The following ROBO2 variants were observed in gnomAD, a reference collection of about 807,000 sequenced individuals.
The protein encoded by ROBO2 is roundabout homolog 2.
A neutral mutation model predicts 160.8 loss-of-function variants in ROBO2; 53 were observed. That is an observed-to-expected ratio of 0.33 (90% CI 0.26 to 0.41). The LOEUF (loss-of-function observed/expected upper bound fraction) is 0.41, where lower values mean the gene tolerates loss of function less well. Ranked by LOEUF, ROBO2 falls within the 10% of genes least tolerant of loss-of-function variation. The pLI is 1.00. For missense variants in ROBO2, 1,577 were observed against 1,722.4 expected (o/e 0.92, Z 1.49); for synonymous variants, 664 against 611.7 (o/e 1.09, Z -1.26).
intron 2 of ROBO2, among the ~76,000 whole-genome samples, chr3:77,244,683 T>A (rs1165899485): frequency 6.6e-6 from 1 of 151,840 alleles, no homozygotes; most frequent in Non-Finnish European, 1.5e-5. Flanking sequence ...ATCGAGACCA[T>A]CCTGGCCAAT....
chr3:75,911,416 G>T (rs1206251245), intron 1 of ROBO2, among the ~76,000 whole-genome samples: 1 of 152,056 alleles, frequency 6.6e-6, no homozygotes, highest in Non-Finnish European at 1.5e-5. Flanking sequence ...AAAATTCTTT[G>T]TTAATGATTT....
chr3:75,990,013 T>C (rs1463812639), intron 2 of ROBO2, among the ~76,000 whole-genome samples: 1 of 152,194 alleles, frequency 6.6e-6, no homozygotes, highest in Non-Finnish European at 1.5e-5. Context: ...CTCAACTGTA[T>C]TGCATAATTT....
intron 2 of ROBO2, among the ~76,000 whole-genome samples, chr3:76,338,973 T>C (rs1238535284): frequency 1.3e-5 from 2 of 152,080 alleles, no homozygotes; most frequent in Non-Finnish European, 2.9e-5. Flanking sequence ...TGAAAAACTG[T>C]TGAAGTTTTG....
chr3:76,436,152 A>G (rs2076664730), intron 2 of ROBO2, among the ~76,000 whole-genome samples: 1 of 143,472 alleles, frequency 7.0e-6, no homozygotes, highest in South Asian at 2.3e-4. Context: ...GATGACTTTA[A>G]AAGGAAAACA....
intron 2 of ROBO2, among the ~76,000 whole-genome samples, chr3:77,426,730 AAGG>A (rs2153537653): frequency 7.1e-6 from 1 of 140,334 alleles, no homozygotes; most frequent in South Asian, 2.4e-4. Flanking sequence ...GGAAGGAAGG[AAGG>A]AAAGTTTTTC....
intron 2 of ROBO2, among the ~76,000 whole-genome samples, chr3:76,996,202 A>G (rs6806644): frequency 0.53 from 80,849 of 151,898 alleles, 22,439 homozygotes; most frequent in East Asian, 0.8. Flanking sequence ...CATTTATTAA[A>G]TAGGGAATCC....
chr3:76,084,612 G>C (rs1028740835), intron 2 of ROBO2, among the ~76,000 whole-genome samples: 1 of 152,058 alleles, frequency 6.6e-6, no homozygotes, highest in Admixed American at 6.6e-5. Flanking sequence ...TACATATTAG[G>C]ATTTCCATTA....
chr3:76,136,963 A>G (rs994956038), intron 2 of ROBO2, among the ~76,000 whole-genome samples: 2 of 152,052 alleles, frequency 1.3e-5, no homozygotes, highest in Non-Finnish European at 2.9e-5. Context: ...GTGGATTATC[A>G]TAGGAAAGAG....
intron 2 of ROBO2, among the ~76,000 whole-genome samples, chr3:76,924,347 A>G (rs181408268): frequency 6.6e-6 from 1 of 152,224 alleles, no homozygotes; most frequent in East Asian, 1.9e-4. Flanking sequence ...TTTCTTTATA[A>G]ATGCTCTTAA....
At chr3:77,139,513 A>T (rs2076538880) in intron 2 of ROBO2, among the ~76,000 whole-genome samples, 4 of 152,244 alleles carry the variant, frequency 2.6e-5, no homozygotes, top group Admixed American at 2.0e-4. Context: ...TAAAAATATG[A>T]TTTACTGCCT....
At chr3:77,205,964 G>A (rs768543310) in intron 2 of ROBO2, among the ~76,000 whole-genome samples, 15 of 152,170 alleles carry the variant, frequency 9.9e-5, no homozygotes, top group Non-Finnish European at 1.8e-4. Flanking sequence ...TTGGGGGACT[G>A]GAAATTTGAA....
At chr3:76,121,588 T>A (rs1438100584) in intron 2 of ROBO2, among the ~76,000 whole-genome samples, 1 of 152,180 alleles carries the variant, frequency 6.6e-6, no homozygotes, top group African/African-American at 2.4e-5. Context: ...TTGGGACATG[T>A]GCTGCCTACA....
rs186376340 is a variant in ROBO2, at chr3:76,954,003, A to G, written c.110-144011A>G. 2.8e-3 allele frequency among the ~76,000 whole-genome samples: 427 copies of G among 152,342 alleles called. 1 individual carries two copies. The highest frequency in any genetic ancestry group is 4.8e-3 in the Non-Finnish European group (328 of 68,028). On this transcript the variant is annotated intron_variant, in intron 2 of 26. Coordinates refer to the ROBO2 transcript ENST00000487694. ...GACTGTCTTTCATTCTCAAATATCTATGCAGTTACATGTGCTGAGTGACTT... is the reference window on the plus strand; with the variant it reads ...GACTGTCTTTCATTCTCAAATATCTGTGCAGTTACATGTGCTGAGTGACTT...
chr3:77,482,950 TACC>T (rs2084885817), intron 4 of ROBO2, among the ~76,000 whole-genome samples: 1 of 152,192 alleles, frequency 6.6e-6, no homozygotes, highest in African/African-American at 2.4e-5. Context: ...CAATTAGACT[TACC>T]ACTAATGAGA....
exon 14 of ROBO2, chr3:77,574,592 G>T: frequency 6.2e-7 from 1 of 1,613,438 alleles, no homozygotes. Flanking sequence ...GAATTTAGAT[G>T]CCAAAGTCCC....
chr3:76,394,156 T>C (rs151248706), intron 2 of ROBO2, among the ~76,000 whole-genome samples: 1,793 of 152,254 alleles, frequency 0.012, 21 homozygotes, highest in Middle Eastern at 0.051. Context: ...TGTGTGAATT[T>C]GATCCTGTCA....
At chr3:75,991,742 A>G (rs564631693) in intron 2 of ROBO2, among the ~76,000 whole-genome samples, 128 of 152,234 alleles carry the variant, frequency 8.4e-4, no homozygotes, top group Non-Finnish European at 1.5e-3. Flanking sequence ...AGTCAGGACA[A>G]TGTGGGAAAA....
intron 15 of ROBO2, among the ~76,000 whole-genome samples, chr3:77,579,080 T>C (rs1232291866): frequency 1.3e-5 from 2 of 152,156 alleles, no homozygotes; most frequent in Admixed American, 6.6e-5. Context: ...ACTTACCTGC[T>C]CCGAAACAAA....
chr3:75,930,841 G>T (rs1947501786), intron 1 of ROBO2, among the ~76,000 whole-genome samples: 1 of 152,052 alleles, frequency 6.6e-6, no homozygotes. Flanking sequence ...TTGATTTCCA[G>T]TGTCCCCAGC....
Sources: gnomAD v4.1 joint callset for allele counts (sites outside exome capture counted in the v4.1 genomes callset) on GRCh38, gnomAD v4.1.1 for gene constraint, MANE v1.5 for transcripts, NCBI Gene and HGNC (gene_info 2026-07-23, HGNC 2026-07-21) for gene names.